BTLA: variants seen among roughly 807,000 people sequenced by gnomAD.
The protein encoded by BTLA is B- and T-lymphocyte attenuator.
In BTLA, 11 loss-of-function variants were observed where a neutral mutation model predicts 25.0. The observed-to-expected ratio is 0.44, with a 90% CI of 0.28 to 0.73. The LOEUF (loss-of-function observed/expected upper bound fraction) is 0.73, where lower values mean the gene tolerates loss of function less well. Ranked by LOEUF, BTLA falls within the 30% of genes least tolerant of loss-of-function variation. BTLA has a pLI of 0.15. For missense variants in BTLA, 282 were observed against 332.8 expected (o/e 0.85, Z 1.19); for synonymous variants, 104 against 119.8 (o/e 0.87, Z 0.86).
At chr3:112,481,973 A>G (rs2082320425) in intron 1 of BTLA, among the ~76,000 whole-genome samples, 1 of 152,240 alleles carries the variant, frequency 6.6e-6, no homozygotes, top group African/African-American at 2.4e-5. Flanking sequence ...GTCCTAAGAC[A>G]TAGATACATT....
At chr3:112,490,055 G>A (rs1032090869) in intron 1 of BTLA, among the ~76,000 whole-genome samples, 4 of 152,050 alleles carry the variant, frequency 2.6e-5, no homozygotes, top group African/African-American at 7.3e-5. Flanking sequence ...GAAATCACAC[G>A]GACGACATCA....
rs78628020 is a variant in BTLA, at chr3:112,499,183, T to C, written c.88+88A>G. On this transcript the variant is annotated intron_variant, in intron 1 of 4. Coordinates refer to ENST00000334529, the MANE Select transcript of BTLA (RefSeq NM_181780.4). ...ACGATTACCCACTTCGTATAAACGT[T>C]ACACCGTACTAAGTTCAGCAAGGGA... The C allele has an allele frequency of 3.0e-3, 2,785 of 942,474 alleles. 44 individuals carry two copies. The African/African-American group carries it at 0.038, about 13-fold the overall frequency. 58.4% of individuals were successfully genotyped at this position (942,474 alleles called of 1,614,324 possible). A position where few individuals can be genotyped will look rare whatever the true frequency, so the allele number is the denominator to read the frequency against.
chr3:112,467,113 T>G (rs577329421), intron 4 of BTLA, among the ~76,000 whole-genome samples: 2 of 151,848 alleles, frequency 1.3e-5, no homozygotes, highest in Admixed American at 1.3e-4. Context: ...GCCCGCCACC[T>G]CGCCCGGCTA....
intron 1 of BTLA, among the ~76,000 whole-genome samples, chr3:112,485,074 C>G (rs968802153): frequency 6.6e-6 from 1 of 152,032 alleles, no homozygotes; most frequent in South Asian, 2.1e-4. Flanking sequence ...GATGAAGTCT[C>G]GCTCTTGTTG....
At chr3:112,479,128 A>T (rs1281725390) in intron 2 of BTLA, among the ~76,000 whole-genome samples, 1 of 152,166 alleles carries the variant, frequency 6.6e-6, no homozygotes, top group Non-Finnish European at 1.5e-5. Context: ...TCACAGAGCT[A>T]TTCGCAACTA....
At chr3:112,469,975 C>T (rs2082253524) in intron 3 of BTLA, 171 bp from the exon 4 acceptor site, 1 of 537,122 alleles carries the variant, frequency 1.9e-6, no homozygotes, top group African/African-American at 1.9e-5. Context: ...CACTGACCAG[C>T]TCTCTCTCTG....
intron 1 of BTLA, among the ~76,000 whole-genome samples, chr3:112,491,306 A>G (rs1009956307): frequency 6.6e-5 from 10 of 152,206 alleles, no homozygotes; most frequent in African/African-American, 2.4e-4. Context: ...CATTATCTAT[A>G]TACTGTAGAC....
chr3:112,483,205 A>G (rs1045552683), intron 1 of BTLA, among the ~76,000 whole-genome samples: 13 of 135,488 alleles, frequency 9.6e-5, no homozygotes, highest in Non-Finnish European at 1.8e-4. Context: ...CTGGAATGCA[A>G]TGGCATGATC....
chr3:112,478,148 T>G lies in BTLA; in HGVS notation c.403+1307A>C, dbSNP rs1429734890. 3.9e-5 allele frequency among the ~76,000 whole-genome samples: 6 copies of G among 152,210 alleles called. No individual in the cohort carries two copies. In the East Asian group the frequency reaches 9.6e-4, roughly 24 times the overall value. ...TGAATTTTAGGATCAGCTTTTTTAT[T>G]TCTGCAATAGCAACAAAAAGCTGTT... On this transcript the variant is annotated intron_variant, in intron 2 of 4. Transcript: ENST00000334529.
Position 112,465,844 on chromosome 3 carries a change from T to C in BTLA, c.*264A>G. On this transcript the variant is annotated 3_prime_UTR_variant, in exon 5 of 5. Coordinates refer to ENST00000334529, the MANE Select transcript of BTLA (RefSeq NM_181780.4). ...GGTAAAATGTAGCTAAGTTTAAACGTTCTACTATTCTGCTACTCATGATGT... is the reference window on the plus strand; with the variant it reads ...GGTAAAATGTAGCTAAGTTTAAACGCTCTACTATTCTGCTACTCATGATGT... 3.2e-6 allele frequency: 1 copy of C among 316,888 alleles called. No homozygotes were observed. Among genetic ancestry groups the C allele is most frequent in the Non-Finnish European group, 5.8e-6 (1 of 173,902 alleles). 19.6% of individuals were successfully genotyped at this position (316,888 alleles called of 1,614,324 possible). A position where few individuals can be genotyped will look rare whatever the true frequency, so the allele number is the denominator to read the frequency against.
At chr3:112,486,281 G>A (rs1018666941) in intron 1 of BTLA, among the ~76,000 whole-genome samples, 4 of 152,214 alleles carry the variant, frequency 2.6e-5, no homozygotes, top group East Asian at 1.9e-4. Flanking sequence ...AGGTGGTACC[G>A]ATGATATTTT....
At chr3:112,495,247 G>A (rs1031220680) in intron 1 of BTLA, among the ~76,000 whole-genome samples, 1 of 152,132 alleles carries the variant, frequency 6.6e-6, no homozygotes, top group Non-Finnish European at 1.5e-5. Context: ...TGGCTTTAGA[G>A]TCCCTGATCT....
In BTLA at chr3:112,469,690, C is replaced by A; in HGVS notation, c.594+68G>T. ...CCTGGCACATGGTGTTATATAAATT[C>A]ATTGAATAAATAAATAAACACAGTA... On this transcript the variant is annotated intron_variant, in intron 4 of 4. Transcript: ENST00000334529. 4.1e-6 allele frequency: 5 copies of A among 1,226,196 alleles called. No individual in the cohort carries two copies. In the South Asian group the frequency reaches 6.4e-5, roughly 16 times the overall value. The allele number at this position is 1,226,196 out of a possible 1,614,324, so 76.0% of individuals were successfully genotyped here.
intron 1 of BTLA, among the ~76,000 whole-genome samples, chr3:112,482,322 C>T (rs1201786380): frequency 6.6e-6 from 1 of 152,126 alleles, no homozygotes; most frequent in African/African-American, 2.4e-5. Context: ...ATAAGTGTAA[C>T]AGAGATGATA....
At chr3:112,496,169 A>G (rs1214500345) in intron 1 of BTLA, among the ~76,000 whole-genome samples, 1 of 152,214 alleles carries the variant, frequency 6.6e-6, no homozygotes, top group East Asian at 1.9e-4. Context: ...GGTCTAGGGC[A>G]GCCTCAGACA....
At chr3:112,481,916 C>T (rs879027385) in intron 1 of BTLA, among the ~76,000 whole-genome samples, 7 of 152,186 alleles carry the variant, frequency 4.6e-5, no homozygotes, top group Admixed American at 6.5e-5. Context: ...GATATTTCTT[C>T]CACCAGATAT....
chr3:112,479,892 AT>A, intron 1 of BTLA, 123 bp from the exon 2 acceptor site: 1 of 738,078 alleles, frequency 1.4e-6, no homozygotes, highest in Non-Finnish European at 2.2e-6. Context: ...ATTTCTAGTA[AT>A]TAAGCCTTAC....
intron 2 of BTLA, among the ~76,000 whole-genome samples, chr3:112,474,177 A>G (rs1289840427): frequency 6.6e-6 from 1 of 152,258 alleles, no homozygotes; most frequent in Non-Finnish European, 1.5e-5. Context: ...TTATAAAAAC[A>G]AGAAAATGTC....
At chr3:112,466,572 G>C (rs1309731690) in intron 4 of BTLA, among the ~76,000 whole-genome samples, 189 bp from the exon 5 acceptor site, 2 of 152,158 alleles carry the variant, frequency 1.3e-5, no homozygotes, top group Non-Finnish European at 2.9e-5. Flanking sequence ...TGAAAGGCTT[G>C]AGAATCACTA....
Sources: allele counts gnomAD v4.1 joint callset (sites outside exome capture counted in the v4.1 genomes callset), GRCh38; gene constraint gnomAD v4.1.1; transcripts MANE v1.5; gene names NCBI Gene and HGNC (gene_info 2026-07-23, HGNC 2026-07-21).